Variants in DYNC2H1 observed in about 807,000 individuals in gnomAD.
DYNC2H1 encodes the protein dynein cytoplasmic 2 heavy chain 1, also known as cytoplasmic dynein 2 heavy chain 1.
DYNC2H1 carries 410 observed loss-of-function variants against 570.0 expected under a neutral mutation model. The observed-to-expected ratio is 0.72, with a 90% confidence interval of 0.66 to 0.78. The LOEUF (loss-of-function observed/expected upper bound fraction) is 0.78, where lower values mean the gene tolerates loss of function less well. Ranked by LOEUF, DYNC2H1 falls within the 30% of genes least tolerant of loss-of-function variation. DYNC2H1 has a pLI of 0.00. For synonymous variants in DYNC2H1, 1,688 were observed against 1,677.6 expected (o/e 1.01, Z -0.15); for missense variants, 4,865 against 5,046.4 (o/e 0.96, Z 1.09).
At chr11:103,365,985 G>A (rs1479469788) in intron 83 of DYNC2H1, among the ~76,000 whole-genome samples, 1 of 152,174 alleles carries the variant, frequency 6.6e-6, no homozygotes, top group Non-Finnish European at 1.5e-5. Flanking sequence ...TATATCTTAA[G>A]AGAGAAAAAT....
chr11:103,402,617 G>C (rs1396948820), intron 84 of DYNC2H1: 1 of 152,184 alleles, frequency 6.6e-6, no homozygotes, highest in African/African-American at 2.4e-5. Flanking sequence ...AGGCTTACTA[G>C]TAGTGCAAAG....
In DYNC2H1 at chr11:103,134,334, T is replaced by G. The variant is rs1315993291; in HGVS notation, c.2120T>G (p.Met707Arg). Residue 707 changes from methionine (M) to arginine (R), a missense_variant, in exon 15 of 89, where the codon ATG (methionine) becomes AGG (arginine). Around this residue, in one of 5 missense-constraint regions of DYNC2H1, gnomAD observed 1,936 missense variants for 1,962.1 expected, o/e 0.99. Coordinates refer to ENST00000375735, the MANE Select transcript of DYNC2H1 (RefSeq NM_001377.3). ...TTFCEKVVVL[M>R]NIDLLRQQQR... ...AATTTTTCATAGGTGGTTGTTCTTA[T>G]GAATATTGATCTGCTTCGGCAGCAA... 4 of 1,613,052 alleles carry G rather than the reference T, an allele frequency of 2.5e-6. No individual in the cohort carries two copies. The highest frequency in any genetic ancestry group is 3.4e-6 in the Non-Finnish European group (4 of 1,179,236).
At chr11:103,392,322 T>G (rs948756932) in intron 83 of DYNC2H1, among the ~76,000 whole-genome samples, 1 of 152,240 alleles carries the variant, frequency 6.6e-6, no homozygotes, top group African/African-American at 2.4e-5. Context: ...AATCTCCTGG[T>G]GTGCCGTTTG....
intron 52 of DYNC2H1, among the ~76,000 whole-genome samples, chr11:103,208,841 A>T (rs2135112991): frequency 6.6e-6 from 1 of 152,320 alleles, no homozygotes; most frequent in African/African-American, 2.4e-5. Flanking sequence ...TCAACTCTTT[A>T]AAAAGTACCA....
chr11:103,363,016 G>T lies in DYNC2H1; in HGVS notation c.12156+4657G>T, dbSNP rs575209450. ...ACTGCACTCCAGCCTGGGCGACAGA[G>T]CAAGACTCTGTCTCAAAATAAATAA... On this transcript the variant is annotated intron_variant, in intron 83 of 88. Transcript: ENST00000375735. The surrounding 1 kb of genome is among the most constrained non-coding windows in gnomAD (Gnocchi z 5.6). Among the ~76,000 whole-genome samples the T allele has an allele frequency of 1.1e-4, 16 of 152,084 alleles. No homozygotes were observed. Among genetic ancestry groups the T allele is most frequent in the African/African-American group, 3.1e-4 (13 of 41,490 alleles).
chr11:103,408,651 T>C (rs1249823860), intron 84 of DYNC2H1, among the ~76,000 whole-genome samples: 1 of 152,088 alleles, frequency 6.6e-6, no homozygotes, highest in Non-Finnish European at 1.5e-5. Flanking sequence ...GAACCCTTAA[T>C]AGCAGCTACA....
chr11:103,361,066 T>C (rs1265436308), intron 83 of DYNC2H1, among the ~76,000 whole-genome samples: 1 of 152,160 alleles, frequency 6.6e-6, no homozygotes, highest in African/African-American at 2.4e-5. Flanking sequence ...ACTGAAAGGA[T>C]GTCAGTGTGA....
Position 103,465,852 on chromosome 11 carries a change from C to G in DYNC2H1, c.12649-2737C>G, listed in dbSNP as rs1245157912. ...TTTTAAAGCCTAGCTTCAGAAGTTG[C>G]TTAAAGTCCTACCACATTCTATTGG... On this transcript the variant is annotated intron_variant, in intron 87 of 88. Coordinates refer to ENST00000375735, the MANE Select transcript of DYNC2H1 (RefSeq NM_001377.3). The surrounding 1 kb of genome is among the most constrained non-coding windows in gnomAD (Gnocchi z 4.9). Among the ~76,000 whole-genome samples, 2 of 152,122 alleles carry G rather than the reference C, an allele frequency of 1.3e-5. No individual in the cohort carries two copies. Among genetic ancestry groups the G allele is most frequent in the East Asian group, 3.9e-4 (2 of 5,188 alleles).
chr11:103,276,371 G>T (rs925953253), intron 70 of DYNC2H1, among the ~76,000 whole-genome samples: 4 of 151,792 alleles, frequency 2.6e-5, no homozygotes, highest in African/African-American at 9.7e-5. Context: ...CAACCTGTAG[G>T]TTTATAATTA....
At position 103,153,505 on chromosome 11, in the gene DYNC2H1, T is replaced by C. The variant is rs1306465972; in HGVS notation, c.3299T>C (p.Leu1100Pro). The C allele has an allele frequency of 6.4e-7, 1 of 1,552,962 alleles. No homozygotes were observed. Among genetic ancestry groups the C allele is most frequent in the East Asian group, 2.3e-5 (1 of 42,996 alleles). Residue 1100 changes from leucine (L) to proline (P), a missense_variant, in exon 22 of 89, where the codon CTG becomes CCG. Transcript: ENST00000375735. ...FDDLEVTRKK[L>P]VDDCHHFRLE... ...GATCTTGAAGTCACAAGAAAAAAGCTGGTGTATGTTTTTTCTTTAAAATTG... is the reference window on the plus strand; with the variant it reads ...GATCTTGAAGTCACAAGAAAAAAGCCGGTGTATGTTTTTTCTTTAAAATTG...
chr11:103,313,379 G>T (rs1867683562), intron 79 of DYNC2H1, among the ~76,000 whole-genome samples: 2 of 152,072 alleles, frequency 1.3e-5, no homozygotes, highest in South Asian at 2.1e-4. Flanking sequence ...TGGTACTAAT[G>T]GTCAATTCTT....
chr11:103,187,837 G>T (rs1174455609), intron 43 of DYNC2H1, among the ~76,000 whole-genome samples: 1 of 152,026 alleles, frequency 6.6e-6, no homozygotes, highest in African/African-American at 2.4e-5. Flanking sequence ...TCTATTACTT[G>T]TCCTTTATTC....
In DYNC2H1 at chr11:103,245,371, C is replaced by T. The variant is rs1043453967; in HGVS notation, c.10039C>T (p.Gln3347Ter). The T allele has an allele frequency of 6.3e-7, 1 of 1,581,894 alleles. No homozygotes were observed. Residue 3347 changes from glutamine (Q) to a stop codon, truncating the protein, a stop_gained, in exon 65 of 89, where the codon CAA becomes TAA. Coordinates refer to ENST00000375735, the MANE Select transcript of DYNC2H1 (RefSeq NM_001377.3). LOFTEE classifies it high-confidence loss of function. This position sits in a 1 kb window ranked among gnomAD's most constrained non-coding sequence, Gnocchi z 4.5. Reference sequence around the variant, plus strand: ...ATTATTGAGACGAGATCTGGTTGCTCAAGGTAAATAATTGACACTTTCCAG... The same window carrying T: ...ATTATTGAGACGAGATCTGGTTGCTTAAGGTAAATAATTGACACTTTCCAG... ...YPLLRRDLVA[Q>*]GPRYVVQIGD... is the part of the protein sequence containing the mutation.
chr11:103,437,292 C>G (rs963892930), intron 85 of DYNC2H1, among the ~76,000 whole-genome samples: 1 of 152,126 alleles, frequency 6.6e-6, no homozygotes, highest in Non-Finnish European at 1.5e-5. Context: ...AAATTGAAAG[C>G]TCATCCCTAG....
rs1403797986 is a variant in DYNC2H1, at chr11:103,186,226, A to T, written c.6634-16A>T. ...CTGGAGTATGTGAAAACTTATCACA[A>T]TTTTTTCCTCTTAAGGTTTTTCATT... On this transcript the variant is annotated splice_polypyrimidine_tract_variant and intron_variant, in intron 41 of 88. Transcript: ENST00000375735. This position sits in a 1 kb window ranked among gnomAD's most constrained non-coding sequence, Gnocchi z 4.5. The T allele has an allele frequency of 5.0e-6, 8 of 1,601,438 alleles. No homozygotes were observed. Among genetic ancestry groups the T allele is most frequent in the Non-Finnish European group, 6.8e-6 (8 of 1,172,510 alleles).
intron 82 of DYNC2H1, among the ~76,000 whole-genome samples, chr11:103,346,332 C>T (rs1176399648): frequency 6.6e-6 from 1 of 152,090 alleles, no homozygotes; most frequent in Non-Finnish European, 1.5e-5. Context: ...CAGATATACT[C>T]TATTTGAATA....
In DYNC2H1 at chr11:103,456,375, A is replaced by G; in HGVS notation, c.12648+19A>G. Reference sequence around the variant, plus strand: ...AATTAAGGTACTAGACTAATTTTAGATCTTGGAATCTCAGCCTTATCACCA... The same window carrying G: ...AATTAAGGTACTAGACTAATTTTAGGTCTTGGAATCTCAGCCTTATCACCA... On this transcript the variant is annotated intron_variant, in intron 87 of 88. Transcript: ENST00000375735. 1.3e-6 allele frequency: 2 copies of G among 1,565,260 alleles called. No homozygotes were observed. The highest frequency in any genetic ancestry group is 2.7e-5 in the African/African-American group (2 of 74,032).
chr11:103,471,569 G>T (rs987352476), intron 88 of DYNC2H1, among the ~76,000 whole-genome samples: 2 of 152,208 alleles, frequency 1.3e-5, no homozygotes, highest in African/African-American at 4.8e-5. Context: ...ACCTAGCACA[G>T]TGCTTCATAC....
intron 37 of DYNC2H1, among the ~76,000 whole-genome samples, chr11:103,176,926 G>A (rs1861844053): frequency 6.6e-6 from 1 of 151,952 alleles, no homozygotes; most frequent in Non-Finnish European, 1.5e-5. Context: ...GGCTGGTCTC[G>A]AACTCTTGAC....
Sources: allele counts gnomAD v4.1 joint callset (sites outside exome capture counted in the v4.1 genomes callset), GRCh38; gene constraint gnomAD v4.1.1; regional missense constraint gnomAD v4.1.1; non-coding constraint Gnocchi (gnomAD v3.1); transcripts MANE v1.5; gene names NCBI Gene and HGNC (gene_info 2026-07-23, HGNC 2026-07-21).